The following TACR3 variants were observed in gnomAD, a reference collection of about 807,000 sequenced individuals.
TACR3 encodes the protein neuromedin-K receptor.
A neutral mutation model predicts 35.0 loss-of-function variants in TACR3; 34 were observed. That is an observed-to-expected ratio of 0.97 (90% CI 0.74 to 1.30). The LOEUF (loss-of-function observed/expected upper bound fraction) is 1.30. TACR3 is among the 50% of genes most tolerant of loss of function. The pLI, the probability that TACR3 is intolerant of heterozygous loss-of-function variation, is 0.00. For missense variants in TACR3, 558 were observed against 591.7 expected, an observed-to-expected ratio of 0.94 and a Z score of 0.59; for synonymous variants, 233 against 221.1, an observed-to-expected ratio of 1.05 and a Z score of -0.48.
chr4:103,635,116 G>A (rs1725157832), intron 3 of TACR3, among the ~76,000 whole-genome samples: 1 of 151,892 alleles, frequency 6.6e-6, no homozygotes, highest in South Asian at 2.1e-4. Flanking sequence ...ACACATATAT[G>A]CATATTTATA....
chr4:103,687,952 C>T (rs1198295568), intron 1 of TACR3, among the ~76,000 whole-genome samples: 1 of 152,178 alleles, frequency 6.6e-6, no homozygotes, highest in East Asian at 1.9e-4. Context: ...CAGTCCTAAG[C>T]CAAAAGAACA....
chr4:103,704,500 A>G (rs1458508358), intron 1 of TACR3, among the ~76,000 whole-genome samples: 1 of 152,210 alleles, frequency 6.6e-6, no homozygotes, highest in African/African-American at 2.4e-5. Context: ...ACTTACAGTC[A>G]TGGCAGAAGA....
At chr4:103,625,404 T>G (rs1162608244) in intron 3 of TACR3, among the ~76,000 whole-genome samples, 1 of 151,896 alleles carries the variant, frequency 6.6e-6, no homozygotes, top group Non-Finnish European at 1.5e-5. Context: ...ATGAACTGTT[T>G]CCTGTAAGGC....
intron 1 of TACR3, among the ~76,000 whole-genome samples, chr4:103,699,202 C>G (rs747819332): frequency 6.6e-6 from 1 of 152,068 alleles, no homozygotes; most frequent in Non-Finnish European, 1.5e-5. Flanking sequence ...AAAAATAAAG[C>G]AATTTTATAT....
chr4:103,638,130 A>C (rs1053298159), intron 3 of TACR3, among the ~76,000 whole-genome samples: 9 of 152,178 alleles, frequency 5.9e-5, no homozygotes, highest in African/African-American at 2.2e-4. Context: ...CCACATCGCC[A>C]AGTCAATCCT....
intron 1 of TACR3, among the ~76,000 whole-genome samples, chr4:103,676,629 A>G (rs1263323911): frequency 6.6e-6 from 1 of 152,146 alleles, no homozygotes; most frequent in East Asian, 1.9e-4. Flanking sequence ...AGGATTCTCT[A>G]TTTCATAAAT....
At chr4:103,623,330 T>A (rs1240315670) in intron 3 of TACR3, among the ~76,000 whole-genome samples, 1 of 152,162 alleles carries the variant, frequency 6.6e-6, no homozygotes, top group African/African-American at 2.4e-5. Flanking sequence ...GAGAAGAGAA[T>A]CTGATTTATG....
Position 103,710,185 on chromosome 4 carries a change from G to C in TACR3, c.548+8943C>G, listed in dbSNP as rs191617241. ...ATAGACATCTACAGAACTCTCCACC[G>C]CAAATCAACAGAATATACATTCTTC... On this transcript the variant is annotated intron_variant, in intron 1 of 4. Coordinates refer to ENST00000304883, the MANE Select transcript of TACR3 (RefSeq NM_001059.3). 1.6e-3 allele frequency among the ~76,000 whole-genome samples: 248 copies of C among 152,158 alleles called. 2 individuals carry two copies. The highest frequency in any genetic ancestry group is 3.5e-3 in the African/African-American group (147 of 41,540).
intron 3 of TACR3, among the ~76,000 whole-genome samples, chr4:103,629,833 G>A (rs1725005796): frequency 2.2e-5 from 2 of 92,566 alleles, no homozygotes; most frequent in South Asian, 3.5e-4. Flanking sequence ...ACATTGCCAA[G>A]ACAATCCTAA....
chr4:103,674,964 C>T (rs1286362603), intron 1 of TACR3, among the ~76,000 whole-genome samples: 1 of 152,128 alleles, frequency 6.6e-6, no homozygotes, highest in Non-Finnish European at 1.5e-5. Flanking sequence ...ATTTATCCTC[C>T]TAAAGAATGA....
At chr4:103,638,120 C>T (rs1725241110) in intron 3 of TACR3, among the ~76,000 whole-genome samples, 1 of 152,050 alleles carries the variant, frequency 6.6e-6, no homozygotes, top group Non-Finnish European at 1.5e-5. Flanking sequence ...AAAAGAGAGC[C>T]CACATCGCCA....
chr4:103,688,357 A>C (rs1326497217), intron 1 of TACR3, among the ~76,000 whole-genome samples: 1 of 152,188 alleles, frequency 6.6e-6, no homozygotes, highest in African/African-American at 2.4e-5. Context: ...TCATGTCTAA[A>C]ACACCAAAAG....
At chr4:103,632,625 CCTG>C (rs1725093222) in intron 3 of TACR3, among the ~76,000 whole-genome samples, 1 of 150,850 alleles carries the variant, frequency 6.6e-6, no homozygotes, top group Non-Finnish European at 1.5e-5. Context: ...AGGTAACAAA[CCTG>C]CACGTTCTGC....
At chr4:103,714,627 TG>T (rs1229648102) in intron 1 of TACR3, among the ~76,000 whole-genome samples, 2 of 152,140 alleles carry the variant, frequency 1.3e-5, no homozygotes, top group African/African-American at 4.8e-5. Context: ...CGGTAACTAG[TG>T]ATAGTGAGTC....
chr4:103,683,854 G>A (rs1722169765), intron 1 of TACR3, among the ~76,000 whole-genome samples: 1 of 151,780 alleles, frequency 6.6e-6, no homozygotes, highest in Non-Finnish European at 1.5e-5. Flanking sequence ...GAGAGAGAGA[G>A]AGAGAAATGA....
intron 1 of TACR3, among the ~76,000 whole-genome samples, chr4:103,693,920 G>C (rs1339727705): frequency 1.3e-5 from 2 of 151,994 alleles, no homozygotes; most frequent in Non-Finnish European, 2.9e-5. Flanking sequence ...TGCAAAGTAG[G>C]ATTCTAACTT....
At chr4:103,671,140 T>A (rs914073748) in intron 1 of TACR3, among the ~76,000 whole-genome samples, 15 of 152,152 alleles carry the variant, frequency 9.9e-5, no homozygotes, top group Non-Finnish European at 1.8e-4. Context: ...TCTCACCTGA[T>A]CATGATGAGT....
chr4:103,661,740 T>A (rs1244422652), intron 1 of TACR3, among the ~76,000 whole-genome samples: 2 of 152,126 alleles, frequency 1.3e-5, no homozygotes, highest in East Asian at 3.9e-4. Flanking sequence ...TACATGGAAA[T>A]AATCAGTTTA....
At chr4:103,658,112 A>G (rs1725768537) in intron 2 of TACR3, 103 bp downstream of exon 2, 1 of 1,151,892 alleles carries the variant, frequency 8.7e-7, no homozygotes, top group South Asian at 1.3e-5. Context: ...TAATGTATGA[A>G]CCCTGGGGGA....
Sources: allele counts gnomAD v4.1 joint callset (sites outside exome capture counted in the v4.1 genomes callset), GRCh38; gene constraint gnomAD v4.1.1; transcripts MANE v1.5; gene names NCBI Gene and HGNC (gene_info 2026-07-23, HGNC 2026-07-21).